The following GAB1 variants were observed in gnomAD, a reference collection of about 807,000 sequenced individuals.
GAB1 encodes the protein GRB2 associated binding protein 1, also known as GRB2-associated-binding protein 1.
A neutral mutation model predicts 66.5 loss-of-function variants in GAB1; 19 were observed. The observed-to-expected ratio is 0.29, with a 90% CI of 0.20 to 0.42. GAB1 has a LOEUF of 0.42. Among genes scored for constraint, GAB1 ranks in the 10% least tolerant of loss-of-function variants. The probability of loss-of-function intolerance (pLI) is 1.00; values close to 1 mark genes in which losing one functional copy is unlikely to be tolerated. For missense variants in GAB1, 732 were observed against 858.5 expected (o/e 0.85, Z 1.84); for synonymous variants, 294 against 301.4 (o/e 0.98, Z 0.25).
chr4:143,364,408 A>G (rs1729785855), intron 1 of GAB1, among the ~76,000 whole-genome samples: 1 of 152,232 alleles, frequency 6.6e-6, no homozygotes, highest in Admixed American at 6.5e-5. Context: ...ATGAGTGATT[A>G]CAGTTTATTT....
At chr4:143,453,150 G>T (rs763424395) in intron 6 of GAB1, among the ~76,000 whole-genome samples, 1 of 152,082 alleles carries the variant, frequency 6.6e-6, no homozygotes, top group Non-Finnish European at 1.5e-5. Context: ...GAAGCATAGA[G>T]AAATCCAGCT....
chr4:143,446,003 C>G (rs1371054338), intron 6 of GAB1, among the ~76,000 whole-genome samples: 1 of 152,186 alleles, frequency 6.6e-6, no homozygotes, highest in Non-Finnish European at 1.5e-5. Flanking sequence ...TCCATCTGTT[C>G]TCATTGTTCA....
rs572977379 is a variant in GAB1 at position 143,416,565 on chromosome 4, G to A, written c.367+794G>A. Among the ~76,000 whole-genome samples the A allele has an allele frequency of 5.9e-5, 9 of 152,256 alleles. No homozygotes were observed. In the East Asian group the frequency reaches 1.4e-3, roughly 23 times the overall value. The stretch of plus-strand genomic sequence containing the variant: ...GCAGATGGGTCACTTGAGGTAAGGA[G>A]TTCTTCAAGACCAGCCTGGCCAACA... On this transcript the variant is annotated intron_variant, in intron 2 of 9. Coordinates refer to ENST00000262994, the MANE Select transcript of GAB1 (RefSeq NM_002039.4).
intron 1 of GAB1, among the ~76,000 whole-genome samples, chr4:143,414,931 A>G (rs987167604): frequency 1.3e-5 from 2 of 152,016 alleles, no homozygotes; most frequent in African/African-American, 2.4e-5. Context: ...ATCTTCTTCA[A>G]CTCAAACTCT....
intron 8 of GAB1, among the ~76,000 whole-genome samples, chr4:143,461,888 A>G (rs1041253659): frequency 2.8e-4 from 43 of 152,188 alleles, no homozygotes; most frequent in African/African-American, 9.4e-4. Context: ...TCTTAAAACT[A>G]TATATTGTCA....
At chr4:143,388,038 T>G (rs538114354) in intron 1 of GAB1, among the ~76,000 whole-genome samples, 1 of 152,324 alleles carries the variant, frequency 6.6e-6, no homozygotes, top group South Asian at 2.1e-4. Context: ...TTTCTGACTT[T>G]GTTTTGGCAT....
At chr4:143,374,963 A>G (rs565966640) in intron 1 of GAB1, among the ~76,000 whole-genome samples, 117 of 152,288 alleles carry the variant, frequency 7.7e-4, no homozygotes, top group Non-Finnish European at 1.5e-3. Flanking sequence ...TCCTCCAGGA[A>G]TGCTCTTGGA....
intron 6 of GAB1, among the ~76,000 whole-genome samples, chr4:143,448,756 A>C (rs922776876): frequency 1.3e-5 from 2 of 151,148 alleles, no homozygotes; most frequent in Non-Finnish European, 2.9e-5. Context: ...TGGATTCATT[A>C]ATTTTTGAAG....
At chr4:143,366,918 G>A (rs962025489) in intron 1 of GAB1, among the ~76,000 whole-genome samples, 3 of 151,826 alleles carry the variant, frequency 2.0e-5, no homozygotes, top group African/African-American at 7.3e-5. Flanking sequence ...CATGTCTTTC[G>A]TGGTTGGGTG....
At chr4:143,367,197 T>G in intron 1 of GAB1, among the ~76,000 whole-genome samples, 1 of 152,168 alleles carries the variant, frequency 6.6e-6, no homozygotes, top group Admixed American at 6.5e-5. Context: ...CTACAAAACT[T>G]TGTCTCAGGA....
intron 3 of GAB1, 74 bp from the exon 4 acceptor site, chr4:143,437,925 C>A: frequency 7.2e-7 from 1 of 1,383,258 alleles, no homozygotes; most frequent in Non-Finnish European, 9.9e-7. Flanking sequence ...GATTGCTTAG[C>A]GATAAACATG....
chr4:143,448,627 C>T (rs375117855), intron 6 of GAB1, among the ~76,000 whole-genome samples: 2,764 of 147,286 alleles, frequency 0.019, 53 homozygotes, highest in South Asian at 0.065. Context: ...TCTGTGGGAT[C>T]GGTGGTGATA....
chr4:143,443,141 C>T (rs1010434528), intron 6 of GAB1, among the ~76,000 whole-genome samples: 3 of 151,566 alleles, frequency 2.0e-5, no homozygotes, highest in Non-Finnish European at 2.9e-5. Flanking sequence ...CTCAGCTTCC[C>T]GAGTAGCTGG....
intron 3 of GAB1, among the ~76,000 whole-genome samples, chr4:143,436,241 G>C (rs1051357999): frequency 1.3e-5 from 2 of 152,182 alleles, no homozygotes; most frequent in African/African-American, 4.8e-5. Flanking sequence ...AGGGAAAGGA[G>C]AGATGTGAGC....
chr4:143,355,666 G>A (rs997787967), intron 1 of GAB1, among the ~76,000 whole-genome samples: 1 of 151,770 alleles, frequency 6.6e-6, no homozygotes, highest in Non-Finnish European at 1.5e-5. Flanking sequence ...AATTATGTGG[G>A]ATTTGCTCAC....
intron 1 of GAB1, among the ~76,000 whole-genome samples, chr4:143,358,395 G>A (rs867806545): frequency 2.0e-5 from 3 of 152,044 alleles, no homozygotes; most frequent in African/African-American, 7.2e-5. Flanking sequence ...TGTTGTTTCG[G>A]TATTTTTCTT....
In GAB1 at chr4:143,420,767, T is replaced by TA. The variant is rs1046570824; in HGVS notation, c.367+5004dup. ...AAATGCCCAGATCATAGTGGCTTAA[T>TA]AAAAAAAAGTACAATTCTCTGTTTG... is the stretch of plus-strand genomic sequence containing the variant. On this transcript the variant is annotated intron_variant, in intron 2 of 9. Coordinates refer to ENST00000262994, the MANE Select transcript of GAB1 (RefSeq NM_002039.4). Among the ~76,000 whole-genome samples, 4 of 151,922 alleles carry TA rather than the reference T, an allele frequency of 2.6e-5. No individual in the cohort carries two copies. In the East Asian group the frequency reaches 5.8e-4, roughly 22 times the overall value.
chr4:143,349,769 T>C, intron 1 of GAB1: 1 of 1,591,334 alleles, frequency 6.3e-7, no homozygotes, highest in South Asian at 1.1e-5. Context: ...TAGTCCCCGA[T>C]AGCAACGAAT....
intron 2 of GAB1, among the ~76,000 whole-genome samples, chr4:143,418,589 G>C (rs1411343025): frequency 6.6e-6 from 1 of 152,120 alleles, no homozygotes; most frequent in Middle Eastern, 3.2e-3. Flanking sequence ...GAATTTGTTT[G>C]GGGGGACATA....
Sources: allele counts gnomAD v4.1 joint callset (sites outside exome capture counted in the v4.1 genomes callset), GRCh38; gene constraint gnomAD v4.1.1; transcripts MANE v1.5; gene names NCBI Gene and HGNC (gene_info 2026-07-23, HGNC 2026-07-21).